NAF1: variants seen among roughly 807,000 people sequenced by gnomAD.
The protein encoded by NAF1 is nuclear assembly factor 1 ribonucleoprotein.
In NAF1, 11 loss-of-function variants were observed where a neutral mutation model predicts 40.6. The ratio of observed to expected loss-of-function variants is 0.27; its 90% CI spans 0.17 to 0.45. The LOEUF is 0.45. NAF1 is among the 20% of genes least tolerant of loss of function. The probability of loss-of-function intolerance (pLI) is 1.00; values close to 1 mark genes in which losing one functional copy is unlikely to be tolerated. For missense variants in NAF1, 607 were observed against 611.1 expected (o/e 0.99, Z 0.07); for synonymous variants, 260 against 228.5 (o/e 1.14, Z -1.24).
downstream of NAF1, chr4:163,128,665 A>G: frequency 9.8e-7 from 1 of 1,016,370 alleles, no homozygotes; most frequent in East Asian, 4.9e-5. Flanking sequence ...GCATGAATTC[A>G]AAATTTTAAT....
chr4:163,137,374 A>T, intron 5 of NAF1, 124 bp from the exon 6 acceptor site: 2 of 960,674 alleles, frequency 2.1e-6, no homozygotes, highest in South Asian at 3.7e-5. Context: ...TTTGCAATAC[A>T]GTTATGTGTC....
At chr4:163,145,022 C>T (rs1731407386) in intron 4 of NAF1, among the ~76,000 whole-genome samples, 1 of 152,146 alleles carries the variant, frequency 6.6e-6, no homozygotes, top group South Asian at 2.1e-4. Context: ...TTACAAAGAA[C>T]TGTACTAGAT....
At chr4:163,156,446 T>C (rs1731989794) in intron 2 of NAF1, among the ~76,000 whole-genome samples, 1 of 150,426 alleles carries the variant, frequency 6.6e-6, no homozygotes, top group Non-Finnish European at 1.5e-5. Flanking sequence ...GATGAGTAGA[T>C]AGGAAAGACT....
At chr4:163,161,206 C>T (rs894098460) in intron 2 of NAF1, among the ~76,000 whole-genome samples, 1 of 152,170 alleles carries the variant, frequency 6.6e-6, no homozygotes, top group African/African-American at 2.4e-5. Context: ...GGCACGGTGG[C>T]TCACGCCTGT....
At chr4:163,155,042 G>C (rs1579181212) in intron 2 of NAF1, among the ~76,000 whole-genome samples, 1 of 152,148 alleles carries the variant, frequency 6.6e-6, no homozygotes, top group Non-Finnish European at 1.5e-5. Flanking sequence ...ATCTCTGAAA[G>C]GTACAAAAAG....
downstream of NAF1, chr4:163,127,069 C>T (rs1485702297): frequency 6.4e-7 from 1 of 1,551,626 alleles, no homozygotes; most frequent in South Asian, 1.2e-5. Context: ...CACTTGACTG[C>T]AATGGTCTGG....
At chr4:163,148,489 A>G (rs1731565998) in intron 2 of NAF1, 55 bp from the exon 3 acceptor site, 2 of 1,261,502 alleles carry the variant, frequency 1.6e-6, no homozygotes, top group Non-Finnish European at 2.2e-6. Context: ...AACAACTTAA[A>G]AAAAATAAAT....
chr4:163,139,916 T>C (rs1731191099), intron 5 of NAF1, among the ~76,000 whole-genome samples: 1 of 152,098 alleles, frequency 6.6e-6, no homozygotes, highest in African/African-American at 2.4e-5. Flanking sequence ...ATAATATTAG[T>C]ACTAATACTA....
intron 2 of NAF1, among the ~76,000 whole-genome samples, chr4:163,120,361 T>C (rs921902978): frequency 2.6e-5 from 4 of 152,254 alleles, no homozygotes; most frequent in African/African-American, 7.2e-5. Flanking sequence ...AATTCTATAC[T>C]AATATTTTAT....
At chr4:163,123,920 C>A (rs1163247593), downstream of NAF1, among the ~76,000 whole-genome samples, 1 of 152,170 alleles carries the variant, frequency 6.6e-6, no homozygotes. Context: ...TCTAGGGACA[C>A]AATTTTAAAG....
At chr4:163,128,223 T>C (rs1011607831), downstream of NAF1, among the ~76,000 whole-genome samples, 4 of 152,214 alleles carry the variant, frequency 2.6e-5, no homozygotes, top group South Asian at 2.1e-4. Context: ...ATAGATCTTA[T>C]TGTGAATAAT....
At chr4:163,106,183 G>A (rs1304125810), downstream of NAF1, among the ~76,000 whole-genome samples, 2 of 151,992 alleles carry the variant, frequency 1.3e-5, no homozygotes, top group East Asian at 3.9e-4. Context: ...TAACCTAGGA[G>A]CCCCAAATAT....
chr4:163,152,358 G>C (rs1285353733), intron 2 of NAF1, among the ~76,000 whole-genome samples: 2 of 152,186 alleles, frequency 1.3e-5, no homozygotes, highest in Non-Finnish European at 2.9e-5. Context: ...ATGAAGTCCT[G>C]ATGTTCTGCT....
At chr4:163,117,653 T>TCTTC (rs1730383988) in intron 2 of NAF1, 1 of 46,974 alleles carries the variant, frequency 2.1e-5, no homozygotes, top group Non-Finnish European at 4.4e-5. Flanking sequence ...AGTCTTCTCT[T>TCTTC]ATTATTTTTA....
intron 2 of NAF1, among the ~76,000 whole-genome samples, chr4:163,115,199 A>ATTTTTTTTTTTTTTTTTT (rs201172406): frequency 9.6e-6 from 1 of 103,708 alleles, no homozygotes; most frequent in Non-Finnish European, 1.8e-5. Context: ...TAGGACAATA[A>ATTTTTTTTTTTTTTTTTT]TTTTTTTATT....
intron 4 of NAF1, among the ~76,000 whole-genome samples, chr4:163,145,229 G>C (rs1313307927): frequency 6.6e-6 from 1 of 152,158 alleles, no homozygotes. Context: ...GATGTTAAAA[G>C]GGACCAAATC....
In NAF1 at chr4:163,133,488, T is replaced by C. The variant is rs2110896366; in HGVS notation, c.931-232A>G. The C allele has an allele frequency of 7.6e-6, 3 of 392,648 alleles. 1 individual carries two copies. The East Asian group carries it at 1.3e-4, about 17-fold the overall frequency. 24.3% of individuals were successfully genotyped at this position (392,648 alleles called of 1,614,324 possible). A position where few individuals can be genotyped will look rare whatever the true frequency, so the allele number is the denominator to read the frequency against. On this transcript the variant is annotated intron_variant, in intron 6 of 7. Transcript: ENST00000274054. ...CACAGGCCAGTAATCAGCCTTCAGA[T>C]ATGAGTCTGACTTCCAGTTTAGACT...
intron 6 of NAF1, chr4:163,133,548 C>A: frequency 3.5e-6 from 1 of 287,858 alleles, no homozygotes; most frequent in Non-Finnish European, 6.5e-6. Context: ...CAAAAGGGTG[C>A]CAAAGGTAAG....
intron 2 of NAF1, among the ~76,000 whole-genome samples, chr4:163,153,842 G>C (rs1403160377): frequency 6.6e-6 from 1 of 152,110 alleles, no homozygotes; most frequent in Non-Finnish European, 1.5e-5. Context: ...TGGAAGCTTT[G>C]TTCTTTCGCT....
Sources: allele counts gnomAD v4.1 joint callset (sites outside exome capture counted in the v4.1 genomes callset), GRCh38; gene constraint gnomAD v4.1.1; transcripts MANE v1.5; gene names NCBI Gene and HGNC (gene_info 2026-07-23, HGNC 2026-07-21).